TAF1: variants seen among roughly 807,000 people sequenced by gnomAD.
The protein encoded by TAF1 is transcription initiation factor TFIID subunit 1.
A neutral mutation model predicts 138.5 loss-of-function variants in TAF1; 2 were observed. The observed-to-expected ratio is 0.01, with a 90% CI of 0.01 to 0.05. The LOEUF (loss-of-function observed/expected upper bound fraction) is 0.05, where lower values mean the gene tolerates loss of function less well. TAF1 is among the 10% of genes least tolerant of loss of function. The probability of loss-of-function intolerance (pLI) is 1.00; values close to 1 mark genes in which losing one functional copy is unlikely to be tolerated. For synonymous variants in TAF1, 437 were observed against 503.2 expected, an observed-to-expected ratio of 0.87 and a Z score of 1.76; for missense variants, 709 against 1,478.0, an observed-to-expected ratio of 0.48 and a Z score of 8.53.
Position 71,437,834 on chromosome X carries a change from C to CT in TAF1, c.4753+13615dup, listed in dbSNP as rs1163295877. Among the ~76,000 whole-genome samples, 774 of 93,620 alleles carry CT rather than the reference C, an allele frequency of 8.3e-3. 5 individuals are homozygous for CT. The highest frequency in any genetic ancestry group is 0.026 in the Middle Eastern group (5 of 193). The allele number at this position is 93,620 out of a possible 115,157, so 81.3% of individuals were successfully genotyped here. On this transcript the variant is annotated intron_variant, in intron 32 of 37. Coordinates refer to ENST00000423759, the MANE Select transcript of TAF1 (RefSeq NM_004606.5). Reference sequence around the variant, plus strand: ...ATAATATAAAAATTTGTCATTTTAACTTTTTTTTTTTTTTTTTTTGAGACG... The same window carrying CT: ...ATAATATAAAAATTTGTCATTTTAACTTTTTTTTTTTTTTTTTTTTGAGACG...
intron 32 of TAF1, among the ~76,000 whole-genome samples, chrX:71,453,201 G>C (rs2148806113): frequency 9.0e-6 from 1 of 111,635 alleles, no homozygotes; most frequent in African/African-American, 3.2e-5. Context: ...AAATTGAGCA[G>C]AAGTTACAGA....
intron 18 of TAF1, among the ~76,000 whole-genome samples, chrX:71,390,601 T>C (rs2034500533): frequency 9.0e-6 from 1 of 111,693 alleles, no homozygotes; most frequent in South Asian, 3.7e-4. Flanking sequence ...ACTGTAGCCT[T>C]GAACTCCTGG....
At chrX:71,479,600 A>T (rs1373634712) in intron 13 of TAF1, among the ~76,000 whole-genome samples, 2 of 111,299 alleles carry the variant, frequency 1.8e-5, no homozygotes, top group Non-Finnish European at 3.8e-5. Context: ...AAGAAAAAAA[A>T]GTACAATTCC....
At chrX:71,457,480 C>T (rs995360272) in intron 34 of TAF1, among the ~76,000 whole-genome samples, 1 of 112,111 alleles carries the variant, frequency 8.9e-6, no homozygotes, top group African/African-American at 3.2e-5. Flanking sequence ...ATTTTGTGAG[C>T]ACTTTATCTA....
chrX:71,384,252 T>TA, intron 13 of TAF1, 117 bp downstream of exon 13: 4 of 824,953 alleles, frequency 4.8e-6, no homozygotes, highest in Non-Finnish European at 5.1e-6. Flanking sequence ...ACTGCAAACT[T>TA]ACATACAAAT....
chrX:71,504,890 G>T (rs2039595564), intron 13 of TAF1, among the ~76,000 whole-genome samples: 1 of 109,611 alleles, frequency 9.1e-6, no homozygotes, highest in Admixed American at 9.9e-5. Context: ...AGCATTCTGG[G>T]AGGCCGAGAC....
At chrX:71,434,669 A>G (rs1008949030) in intron 32 of TAF1, among the ~76,000 whole-genome samples, 1 of 112,120 alleles carries the variant, frequency 8.9e-6, no homozygotes, top group African/African-American at 3.2e-5. Flanking sequence ...CTGTACGCTA[A>G]TTATAGAGTT....
intron 2 of TAF1, among the ~76,000 whole-genome samples, chrX:71,367,834 C>T (rs1369298391): frequency 9.0e-6 from 1 of 111,497 alleles, no homozygotes; most frequent in Non-Finnish European, 1.9e-5. Context: ...CCACGCCCGG[C>T]TAATTTTTGT....
At chrX:71,462,422 A>G (rs2038588723) in intron 37 of TAF1, among the ~76,000 whole-genome samples, 1 of 110,555 alleles carries the variant, frequency 9.0e-6, no homozygotes, top group South Asian at 3.9e-4. Flanking sequence ...CTAAAAATAC[A>G]AAAATTAGCT....
chrX:71,453,041 G>T (rs1157320373), intron 32 of TAF1, among the ~76,000 whole-genome samples: 1 of 110,562 alleles, frequency 9.0e-6, no homozygotes, highest in Non-Finnish European at 1.9e-5. Context: ...GGCATCAGAG[G>T]GAGACCGTGG....
chrX:71,366,646 C>T (rs2032520258), intron 1 of TAF1, 152 bp downstream of exon 1: 3 of 612,557 alleles, frequency 4.9e-6, no homozygotes, highest in Non-Finnish European at 7.4e-6. Flanking sequence ...GCGGGAGCAA[C>T]GTGGCGTGGG....
rs144846611 is a variant in TAF1 at position 71,384,909 on chromosome X, T to G, written c.2122-36T>G. 3 of 1,021,525 alleles carry G rather than the reference T, an allele frequency of 2.9e-6. No individual in the cohort carries two copies. The South Asian group carries it at 5.9e-5, about 20-fold the overall frequency. 84.2% of individuals were successfully genotyped at this position (1,021,525 alleles called of 1,213,427 possible). Reference sequence around the variant, plus strand: ...GTCATATTGTGTAGGATTATTGATATATTCTAAATAACTGGGTCTTCTGTG... The same window carrying G: ...GTCATATTGTGTAGGATTATTGATAGATTCTAAATAACTGGGTCTTCTGTG... On this transcript the variant is annotated intron_variant, in intron 13 of 37. Coordinates refer to ENST00000423759, the MANE Select transcript of TAF1 (RefSeq NM_004606.5).
chrX:71,415,029 G>A (rs1602595792), intron 28 of TAF1, among the ~76,000 whole-genome samples: 3 of 49,699 alleles, frequency 6.0e-5, no homozygotes, highest in South Asian at 2.1e-3. Flanking sequence ...CAAAAAAAAA[G>A]AAAGAAAGAA....
In TAF1 at chrX:71,459,656, A is replaced by T. The variant is rs781741568; in HGVS notation, c.5169A>T (p.Glu1723Asp). 5.0e-6 allele frequency: 6 copies of T among 1,209,466 alleles called. No homozygotes were observed. The highest frequency in any genetic ancestry group is 1.8e-5 in the African/African-American group (1 of 57,007). ...AGGATTTGCTTATGTCTGAAGGAGA[A>T]GATGATGAGGAAGATGCTGGGAGTG... ...LYEDLLMSEG[E>D]DDEEDAGSDE... Residue 1723 changes from glutamate to aspartate, a missense_variant, in exon 36 of 38, where the codon GAA becomes GAT. Around this residue, in one of 14 missense-constraint regions of TAF1, gnomAD observed 123 missense variants for 174.7 expected, o/e 0.70. Transcript: ENST00000423759.
intron 13 of TAF1, among the ~76,000 whole-genome samples, chrX:71,516,236 C>CTT (rs41469947): frequency 5.6e-5 from 5 of 89,352 alleles, no homozygotes; most frequent in Non-Finnish European, 8.9e-5. Context: ...TGATTTTTTG[C>CTT]TTTTTTTTTT....
chrX:71,402,588 A>G lies in TAF1; in HGVS notation c.3998+849A>G. 1.8e-5 allele frequency among the ~76,000 whole-genome samples: 2 copies of G among 112,368 alleles called. 1 individual carries two copies. ...TCCCAAAAGATGGATGAGACATAGA[A>G]ACTGTGCTTATACTTGTGTCTTGCC... On this transcript the variant is annotated intron_variant, in intron 25 of 37. Transcript: ENST00000423759.
In TAF1 at chrX:71,382,402, G is replaced by A. The variant is rs28382163; in HGVS notation, c.1538-134G>A. 6 of 863,951 alleles carry A rather than the reference G, an allele frequency of 6.9e-6. No homozygotes were observed. The African/African-American group carries it at 8.4e-5, about 12-fold the overall frequency. 71.2% of individuals were successfully genotyped at this position (863,951 alleles called of 1,213,427 possible). A position where few individuals can be genotyped will look rare whatever the true frequency, so the allele number is the denominator to read the frequency against. ...TCGTGGACTAGAAGTTACCTGGGGG[G>A]GGGTGGGATGAAAGGTCTAGTTAAG... On this transcript the variant is annotated intron_variant, in intron 9 of 37. Transcript: ENST00000423759.
rs1296047133 is a variant in TAF1, at chrX:71,367,551, T to C, written c.173T>C (p.Ile58Thr). The C allele has an allele frequency of 8.3e-7, 1 of 1,211,731 alleles. No homozygotes were observed. The highest frequency in any genetic ancestry group is 1.1e-6 in the Non-Finnish European group (1 of 895,530). The change falls in exon 2 of 38, where the codon ATC (isoleucine) becomes ACC (threonine). Residue 58 changes from isoleucine to threonine, a missense_variant. Ile to Thr is a moderately conservative substitution (Grantham distance 89, BLOSUM62 -1). Transcript: ENST00000423759. ...GGGGCTTTGGGGCTGGGCAGCCTGA[T>C]CACTGAACTCACGGCAAATGAAGAA... is the stretch of plus-strand genomic sequence containing the variant. ...GLGALGLGSL[I>T]TELTANEELT...
rs1206460557 is a variant in TAF1, at chrX:71,416,153, G to A, written c.4385-5156G>A. 4.0e-4 allele frequency among the ~76,000 whole-genome samples: 12 copies of A among 29,959 alleles called. No homozygotes were observed. The East Asian group carries it at 4.8e-3, about 12-fold the overall frequency. The allele number at this position is 29,959 out of a possible 115,157, so 26.0% of individuals were successfully genotyped here. A position where few individuals can be genotyped will look rare whatever the true frequency, so the allele number is the denominator to read the frequency against. On this transcript the variant is annotated intron_variant, in intron 28 of 37. Coordinates refer to ENST00000423759, the MANE Select transcript of TAF1 (RefSeq NM_004606.5). ...TAATCCCAGCATTTTGGGAGGCTGA[G>A]GTGGGAGGATTCCTTGAGCTCAGAA...
Sources: gnomAD v4.1 joint callset for allele counts (sites outside exome capture counted in the v4.1 genomes callset) on GRCh38, gnomAD v4.1.1 for gene constraint, gnomAD v4.1.1 regional missense constraint, MANE v1.5 for transcripts, NCBI Gene and HGNC (gene_info 2026-07-23, HGNC 2026-07-21) for gene names.